The following MAP7D2 variants were observed in gnomAD, a reference collection of about 807,000 sequenced individuals.
MAP7D2 encodes MAP7 domain containing 2.
Under a neutral mutation model 63.5 loss-of-function variants are expected in MAP7D2, and 33 were observed. That is an observed-to-expected ratio of 0.52 (90% CI 0.39 to 0.70). The LOEUF (loss-of-function observed/expected upper bound fraction) is 0.70, where lower values mean the gene tolerates loss of function less well. Among genes scored for constraint, MAP7D2 ranks in the 30% least tolerant of loss-of-function variants. MAP7D2 has a pLI of 0.00. For synonymous variants in MAP7D2, 224 were observed against 223.7 expected, an observed-to-expected ratio of 1.00 and a Z score of -0.01; for missense variants, 626 against 604.0, an observed-to-expected ratio of 1.04 and a Z score of -0.38.
At chrX:20,041,677 A>T (rs1193690377) in intron 8 of MAP7D2, among the ~76,000 whole-genome samples, 1 of 112,207 alleles carries the variant, frequency 8.9e-6, no homozygotes, top group Non-Finnish European at 1.9e-5. Flanking sequence ...TCCCAAATTA[A>T]ATCATATTTC....
intron 8 of MAP7D2, among the ~76,000 whole-genome samples, chrX:20,038,765 C>T (rs1437056042): frequency 8.9e-6 from 1 of 111,932 alleles, no homozygotes; most frequent in Non-Finnish European, 1.9e-5. Flanking sequence ...TTAAGCTCCT[C>T]CTACCTCTAA....
intron 3 of MAP7D2, 123 bp downstream of exon 3, chrX:20,063,291 G>C (rs2065267177): frequency 1.4e-6 from 1 of 713,547 alleles, no homozygotes; most frequent in African/African-American, 2.2e-5. Flanking sequence ...AGGCATGGGA[G>C]CCACCAAGGA....
chrX:20,096,429 C>CAAAAAAAA (rs775218484), intron 1 of MAP7D2, among the ~76,000 whole-genome samples: 19 of 40,084 alleles, frequency 4.7e-4, no homozygotes, highest in Admixed American at 7.0e-4. Flanking sequence ...GACCTTGTCT[C>CAAAAAAAA]AAAAAAAAAA....
At position 20,077,193 on chromosome X, in the gene MAP7D2, G is replaced by T. The variant is rs772947174; in HGVS notation, c.131-12388C>A. 8.0e-5 allele frequency among the ~76,000 whole-genome samples: 9 copies of T among 112,016 alleles called. No individual in the cohort carries two copies. The South Asian group carries it at 3.4e-3, about 42-fold the overall frequency. On this transcript the variant is annotated intron_variant, in intron 1 of 16. Coordinates refer to ENST00000379643, the MANE Select transcript of MAP7D2 (RefSeq NM_001168465.2). ...GTTCTAGCCGCGCACAGTGACTCAC[G>T]CCTGTAATCCCAGCACTTTGGGAGG...
intron 6 of MAP7D2, among the ~76,000 whole-genome samples, chrX:20,046,453 C>T (rs2064801022): frequency 1.8e-5 from 2 of 112,934 alleles, no homozygotes; most frequent in African/African-American, 6.4e-5. Context: ...TCCATTCCCT[C>T]TGGGGAAAGT....
chrX:20,063,897 T>C (rs2065284487), intron 2 of MAP7D2, among the ~76,000 whole-genome samples: 1 of 112,648 alleles, frequency 8.9e-6, no homozygotes, highest in Admixed American at 9.3e-5. Context: ...GTGGGAGCTA[T>C]GACTATGACG....
intron 8 of MAP7D2, among the ~76,000 whole-genome samples, chrX:20,031,660 G>A (rs2074056192): frequency 9.1e-6 from 1 of 110,459 alleles, no homozygotes; most frequent in African/African-American, 3.3e-5. Context: ...CCAGCTACTC[G>A]GGAGGCTGAG....
chrX:20,095,461 C>T (rs1186330603), intron 1 of MAP7D2, among the ~76,000 whole-genome samples: 3 of 111,176 alleles, frequency 2.7e-5, no homozygotes, highest in Admixed American at 1.9e-4. Context: ...ATAACTTAAG[C>T]CCAGGAATGT....
chrX:20,083,903 C>T (rs981435900), intron 1 of MAP7D2, among the ~76,000 whole-genome samples: 2 of 111,349 alleles, frequency 1.8e-5, no homozygotes, highest in Non-Finnish European at 3.8e-5. Context: ...GGACAACCCT[C>T]AGCCTCAAAC....
chrX:20,098,641 C>T (rs2066341323), intron 1 of MAP7D2, among the ~76,000 whole-genome samples: 1 of 111,464 alleles, frequency 9.0e-6, no homozygotes, highest in South Asian at 3.8e-4. Flanking sequence ...GGTACCCCTC[C>T]AGCCCCAGAG....
At chrX:20,109,647 C>T (rs1438078189) in intron 1 of MAP7D2, among the ~76,000 whole-genome samples, 2 of 110,919 alleles carry the variant, frequency 1.8e-5, no homozygotes, top group African/African-American at 6.6e-5. Flanking sequence ...TTTTTAATCT[C>T]TCACCTCTCG....
intron 1 of MAP7D2, among the ~76,000 whole-genome samples, chrX:20,080,316 T>C (rs1389946658): frequency 1.8e-5 from 2 of 110,485 alleles, no homozygotes; most frequent in African/African-American, 6.6e-5. Context: ...CTCCTTTCTG[T>C]GTAATTCTGT....
intron 8 of MAP7D2, among the ~76,000 whole-genome samples, chrX:20,028,984 T>C (rs1442650857): frequency 9.0e-6 from 1 of 111,515 alleles, no homozygotes; most frequent in Non-Finnish European, 1.9e-5. Flanking sequence ...GCCCTCACCC[T>C]CCTCCCCGTG....
rs1367143169 is a variant in MAP7D2 at position 20,095,451 on chromosome X, ATAACT to A, written c.130+21294_130+21298del. Among the ~76,000 whole-genome samples the A allele has an allele frequency of 6.9e-4, 77 of 111,264 alleles. 1 individual carries two copies. Among genetic ancestry groups the A allele is most frequent in the African/African-American group, 2.0e-3 (61 of 30,599 alleles). ...CTACTTTGGAGGCTGAGGTGGGAGG[ATAACT>A]TAAGCCCAGGAATGTGAGGCTACAG... On this transcript the variant is annotated intron_variant, in intron 1 of 16. Coordinates refer to ENST00000379643, the MANE Select transcript of MAP7D2 (RefSeq NM_001168465.2).
intron 8 of MAP7D2, among the ~76,000 whole-genome samples, chrX:20,028,895 A>G (rs989555978): frequency 8.9e-6 from 1 of 112,010 alleles, no homozygotes; most frequent in African/African-American, 3.2e-5. Context: ...CTCATCCCAT[A>G]AGCATTCCTA....
chrX:20,013,005 A>T (rs371969569), intron 14 of MAP7D2, 49 bp downstream of exon 14: 14 of 1,060,140 alleles, frequency 1.3e-5, no homozygotes, highest in Non-Finnish European at 1.8e-5. Context: ...AAGTCTTACG[A>T]GCTTTTGCTA....
chrX:20,030,425 C>T (rs1270218678), intron 8 of MAP7D2, among the ~76,000 whole-genome samples: 2 of 111,951 alleles, frequency 1.8e-5, no homozygotes, highest in African/African-American at 6.5e-5. Flanking sequence ...GGATGGTAAA[C>T]TAGACCTTCT....
At chrX:20,109,413 G>C (rs1040959408) in intron 1 of MAP7D2, among the ~76,000 whole-genome samples, 7 of 107,425 alleles carry the variant, frequency 6.5e-5, no homozygotes, top group African/African-American at 2.0e-4. Context: ...CCAGCTACTC[G>C]GGAGGCTGAG....
At chrX:20,114,565 G>A (rs1441090096) in intron 1 of MAP7D2, among the ~76,000 whole-genome samples, 3 of 112,373 alleles carry the variant, frequency 2.7e-5, no homozygotes, top group Non-Finnish European at 5.6e-5. Context: ...AGGAAAGAAA[G>A]AAGGCATCAC....
Sources: gnomAD v4.1 joint callset for allele counts (sites outside exome capture counted in the v4.1 genomes callset) on GRCh38, gnomAD v4.1.1 for gene constraint, MANE v1.5 for transcripts, NCBI Gene and HGNC (gene_info 2026-07-23, HGNC 2026-07-21) for gene names.